The following B3GALT1 variants were observed in gnomAD, a reference collection of about 807,000 sequenced individuals.
The protein encoded by B3GALT1 is beta-1,3-galactosyltransferase 1, also known as UDP-Gal:betaGlcNAc beta 1,3-galactosyltransferase, polypeptide 1.
A neutral mutation model predicts 23.2 loss-of-function variants in B3GALT1; 10 were observed. The observed-to-expected ratio is 0.43, with a 90% confidence interval of 0.27 to 0.73. B3GALT1 has a LOEUF of 0.73. B3GALT1 is among the 30% of genes least tolerant of loss of function. The pLI is 0.21. For missense variants in B3GALT1, 299 were observed against 405.4 expected, an observed-to-expected ratio of 0.74 and a Z score of 2.25; for synonymous variants, 156 against 141.5, an observed-to-expected ratio of 1.10 and a Z score of -0.73.
chr2:167,867,642 A>G (rs192737508), intron 4 of B3GALT1, among the ~76,000 whole-genome samples: 59 of 152,282 alleles, frequency 3.9e-4, no homozygotes, highest in East Asian at 3.9e-4. Context: ...TTCCCAATTA[A>G]ATTATTTCTA....
intron 1 of B3GALT1, among the ~76,000 whole-genome samples, chr2:167,316,336 C>T (rs1046669088): frequency 5.9e-5 from 9 of 152,106 alleles, no homozygotes; most frequent in African/African-American, 2.2e-4. Context: ...CACAATGTTG[C>T]TTGGCCTGTA....
chr2:167,430,625 G>A (rs546972648), intron 1 of B3GALT1, among the ~76,000 whole-genome samples: 46 of 46,400 alleles, frequency 9.9e-4, no homozygotes, highest in Admixed American at 1.8e-3. Context: ...CATGTTGGAT[G>A]TCAGAGGAAA....
At chr2:167,564,957 A>G (rs1420729825) in intron 2 of B3GALT1, among the ~76,000 whole-genome samples, 1 of 152,226 alleles carries the variant, frequency 6.6e-6, no homozygotes, top group African/African-American at 2.4e-5. Context: ...ATTCCATGCC[A>G]TCCCTATCAA....
At chr2:167,369,061 TTGTGTGTGTGTGTGTGTGTGTGTGTGTG>T (rs60938716) in intron 1 of B3GALT1, among the ~76,000 whole-genome samples, 1 of 147,468 alleles carries the variant, frequency 6.8e-6, no homozygotes, top group Non-Finnish European at 1.5e-5. Flanking sequence ...AAACTCTTAT[TTGTGTGTGTGTGTGTGTGTGTGTGTGTG>T]TGTGTGTGTG....
At chr2:167,360,727 T>A (rs2105262551) in intron 1 of B3GALT1, among the ~76,000 whole-genome samples, 1 of 152,358 alleles carries the variant, frequency 6.6e-6, no homozygotes, top group Middle Eastern at 3.4e-3. Flanking sequence ...AACATTATAG[T>A]TCTTCCTTTC....
At chr2:167,694,043 AG>A (rs1476645813) in intron 3 of B3GALT1, among the ~76,000 whole-genome samples, 1 of 152,024 alleles carries the variant, frequency 6.6e-6, no homozygotes, top group Non-Finnish European at 1.5e-5. Flanking sequence ...TGTTTGGAAA[AG>A]CTATGGTGAC....
At chr2:167,633,058 T>G (rs1003319044) in intron 2 of B3GALT1, among the ~76,000 whole-genome samples, 1 of 152,012 alleles carries the variant, frequency 6.6e-6, no homozygotes, top group African/African-American at 2.4e-5. Context: ...TAGGGAATCC[T>G]TTCCCCATTG....
At chr2:167,431,325 T>C (rs192670356) in intron 1 of B3GALT1, among the ~76,000 whole-genome samples, 1 of 152,302 alleles carries the variant, frequency 6.6e-6, no homozygotes, top group East Asian at 1.9e-4. Flanking sequence ...CAGAGAACCA[T>C]TACGAATCAC....
At chr2:167,492,662 T>G (rs550258428) in intron 2 of B3GALT1, among the ~76,000 whole-genome samples, 1 of 152,338 alleles carries the variant, frequency 6.6e-6, no homozygotes, top group Non-Finnish European at 1.5e-5. Context: ...CTTAGAGTTT[T>G]AGCAATGCTA....
chr2:167,335,764 G>C (rs1697050158), intron 1 of B3GALT1, among the ~76,000 whole-genome samples: 1 of 152,096 alleles, frequency 6.6e-6, no homozygotes, highest in Non-Finnish European at 1.5e-5. Context: ...GGGTTTGGCT[G>C]GCTTCTTTAC....
chr2:167,729,808 T>C (rs1265239524), intron 3 of B3GALT1, among the ~76,000 whole-genome samples: 1 of 152,050 alleles, frequency 6.6e-6, no homozygotes, highest in Non-Finnish European at 1.5e-5. Flanking sequence ...TGTGAAGAAG[T>C]GAAGTGGCCA....
At chr2:167,780,007 A>G (rs1688221125) in intron 3 of B3GALT1, among the ~76,000 whole-genome samples, 1 of 152,216 alleles carries the variant, frequency 6.6e-6, no homozygotes, top group Non-Finnish European at 1.5e-5. Flanking sequence ...TGCTAAAGCC[A>G]TTTGTTAACT....
chr2:167,338,320 T>G (rs1697092331), intron 1 of B3GALT1, among the ~76,000 whole-genome samples: 1 of 152,172 alleles, frequency 6.6e-6, no homozygotes, highest in South Asian at 2.1e-4. Flanking sequence ...GTGGTGCAAA[T>G]GTATTAACAT....
chr2:167,543,707 G>A lies in B3GALT1; in HGVS notation c.-410+53430G>A, dbSNP rs570148038. Among the ~76,000 whole-genome samples, 3 of 152,272 alleles carry A rather than the reference G, an allele frequency of 2.0e-5. No individual in the cohort carries two copies. In the East Asian group the frequency reaches 5.8e-4, roughly 29 times the overall value. On this transcript the variant is annotated intron_variant, in intron 2 of 4. Coordinates refer to ENST00000392690, the MANE Select transcript of B3GALT1 (RefSeq NM_020981.4). ...GGGGGAAAAAGTAGCACTGAAAAAAGTGTTTAGTAGGAGTCAGGAAACTGG... is the reference window on the plus strand; with the variant it reads ...GGGGGAAAAAGTAGCACTGAAAAAAATGTTTAGTAGGAGTCAGGAAACTGG...
At chr2:167,326,096 T>C (rs1046929850) in intron 1 of B3GALT1, among the ~76,000 whole-genome samples, 6 of 152,160 alleles carry the variant, frequency 3.9e-5, no homozygotes, top group African/African-American at 1.4e-4. Flanking sequence ...TGTTTTTTTT[T>C]TTCTGTCTTT....
chr2:167,762,071 T>TA (rs1687906399), intron 3 of B3GALT1, among the ~76,000 whole-genome samples: 1 of 152,134 alleles, frequency 6.6e-6, no homozygotes, highest in South Asian at 2.1e-4. Context: ...TTTTTCTAAT[T>TA]AAAAAATATA....
rs796206745 is a variant in B3GALT1 at position 167,365,132 on chromosome 2, C to T, written c.-511+71798C>T. ...CCAGAACAGTTTGGGAATTTTTTGA[C>T]TACACGTAGTTTCCTGGGTTTCTCA... On this transcript the variant is annotated intron_variant, in intron 1 of 4. Transcript: ENST00000392690. Among the ~76,000 whole-genome samples, 16 of 152,280 alleles carry T rather than the reference C, an allele frequency of 1.1e-4. 1 individual carries two copies. The highest frequency in any genetic ancestry group is 3.8e-4 in the African/African-American group (16 of 41,570).
intron 2 of B3GALT1, among the ~76,000 whole-genome samples, chr2:167,532,569 C>T (rs1345179986): frequency 6.6e-6 from 1 of 151,822 alleles, no homozygotes; most frequent in African/African-American, 2.4e-5. Context: ...CATACACACA[C>T]ACACTCACTA....
In B3GALT1 at chr2:167,512,580, G is replaced by GTA. The variant is rs749951984; in HGVS notation, c.-410+22313_-410+22314dup. Among the ~76,000 whole-genome samples the GTA allele has an allele frequency of 3.7e-3, 175 of 47,030 alleles. 4 individuals carry two copies. The highest frequency in any genetic ancestry group is 0.014 in the African/African-American group (164 of 11,698). The allele number at this position is 47,030 out of a possible 152,430, so 30.9% of individuals were successfully genotyped here. A position where few individuals can be genotyped will look rare whatever the true frequency, so the allele number is the denominator to read the frequency against. Reference sequence around the variant, plus strand: ...TGTATATATATATGTATATATATATGTATATATATATGTGTATATATATAT... The same window carrying GTA: ...TGTATATATATATGTATATATATATGTATATATATATATGTGTATATATATAT... On this transcript the variant is annotated intron_variant, in intron 2 of 4. Coordinates refer to ENST00000392690, the MANE Select transcript of B3GALT1 (RefSeq NM_020981.4).
Sources: gnomAD v4.1 joint callset for allele counts (sites outside exome capture counted in the v4.1 genomes callset) on GRCh38, gnomAD v4.1.1 for gene constraint, MANE v1.5 for transcripts, NCBI Gene and HGNC (gene_info 2026-07-23, HGNC 2026-07-21) for gene names.